The following TPRG1 variants were observed in gnomAD, a reference collection of about 807,000 sequenced individuals.
The protein encoded by TPRG1 is tumor protein p63-regulated gene 1 protein.
TPRG1 carries 29 observed loss-of-function variants against 29.3 expected under a neutral mutation model. That is an observed-to-expected ratio of 0.99 (90% confidence interval 0.74 to 1.35). The LOEUF (loss-of-function observed/expected upper bound fraction) is 1.35. Ranked by LOEUF, TPRG1 falls within the 40% of genes most tolerant of loss-of-function variation. The probability of loss-of-function intolerance (pLI) is 0.00; values close to 1 mark genes in which losing one functional copy is unlikely to be tolerated. For missense variants in TPRG1, 327 were observed against 335.0 expected (o/e 0.98, Z 0.19); for synonymous variants, 130 against 116.8 (o/e 1.11, Z -0.73).
intron 1 of TPRG1, among the ~76,000 whole-genome samples, chr3:189,123,875 T>C (rs1362403894): frequency 6.6e-6 from 1 of 152,150 alleles, no homozygotes; most frequent in Non-Finnish European, 1.5e-5. Flanking sequence ...AAATGTGCTC[T>C]GGAGTCTCTC....
At position 189,310,390 on chromosome 3, in the gene TPRG1, C is replaced by G. The variant is rs755877455; in HGVS notation, c.484C>G (p.Gln162Glu). 4.4e-6 allele frequency: 7 copies of G among 1,586,476 alleles called. No individual in the cohort carries two copies. Among genetic ancestry groups the G allele is most frequent in the Non-Finnish European group, 6.0e-6 (7 of 1,165,428 alleles). Residue 162 changes from glutamine (Q) to glutamate (E), a missense_variant, in exon 5 of 6, where the codon CAA (glutamine) becomes GAA (glutamate). Gln to Glu is a conservative substitution (Grantham distance 29, BLOSUM62 2). Transcript: ENST00000345063. ...TGGAAAACGCCTTTCTTGTAGGAGA[C>G]AAGGAGAAGGCCTTAGGATCTACTG... ...TFPGMSLDKR[Q>E]GEGLRIYWGS...
In TPRG1 at chr3:189,320,851, C is replaced by T. The variant is rs752603915; in HGVS notation, c.*31C>T. 2.6e-5 allele frequency: 38 copies of T among 1,474,342 alleles called. No homozygotes were observed. In the East Asian group the frequency reaches 8.5e-4, roughly 33 times the overall value. The allele number at this position is 1,474,342 out of a possible 1,614,324, so 91.3% of individuals were successfully genotyped here. A position where few individuals can be genotyped will look rare whatever the true frequency, so the allele number is the denominator to read the frequency against. On this transcript the variant is annotated 3_prime_UTR_variant, in exon 6 of 6. Transcript: ENST00000345063. Reference sequence around the variant, plus strand: ...TTTTTGGTACCATAAGCATATCATCCACAGATATGTCACTTTGAAAATTCC... The same window carrying T: ...TTTTTGGTACCATAAGCATATCATCTACAGATATGTCACTTTGAAAATTCC...
intron 4 of TPRG1, among the ~76,000 whole-genome samples, chr3:189,258,758 T>C (rs1463122931): frequency 6.6e-6 from 1 of 152,160 alleles, no homozygotes; most frequent in Non-Finnish European, 1.5e-5. Flanking sequence ...GGCGCTGCAG[T>C]GGGCTCCATC....
At chr3:189,250,845 T>C (rs960114855) in intron 4 of TPRG1, among the ~76,000 whole-genome samples, 1 of 151,898 alleles carries the variant, frequency 6.6e-6, no homozygotes, top group Non-Finnish European at 1.5e-5. Context: ...ACCTCCCTTG[T>C]GCTGTTTGAC....
intron 1 of TPRG1, among the ~76,000 whole-genome samples, chr3:189,183,675 C>T (rs568189653): frequency 6.6e-6 from 1 of 152,084 alleles, no homozygotes; most frequent in Non-Finnish European, 1.5e-5. Context: ...CTCCCATTTG[C>T]TTTGGAAAGA....
At chr3:189,305,402 T>G (rs951091816) in intron 4 of TPRG1, among the ~76,000 whole-genome samples, 1 of 152,256 alleles carries the variant, frequency 6.6e-6, no homozygotes, top group Non-Finnish European at 1.5e-5. Flanking sequence ...TCAAAGAATG[T>G]GTTTCCTTCT....
chr3:189,152,308 A>G (rs1726039462), intron 5 of TPRG1, among the ~76,000 whole-genome samples: 1 of 152,104 alleles, frequency 6.6e-6, no homozygotes. Flanking sequence ...ATTATCCTAT[A>G]TTTTGGCAAC....
intron 4 of TPRG1, among the ~76,000 whole-genome samples, chr3:189,277,941 C>A (rs1716446433): frequency 6.6e-6 from 1 of 152,174 alleles, no homozygotes; most frequent in Non-Finnish European, 1.5e-5. Flanking sequence ...AAATCTGATT[C>A]ATCAGTGCTT....
chr3:189,232,994 C>T (rs190870853), intron 3 of TPRG1, among the ~76,000 whole-genome samples: 165 of 151,564 alleles, frequency 1.1e-3, no homozygotes, highest in Middle Eastern at 0.01. Flanking sequence ...TCAGGGAATA[C>T]GTGTGGAATG....
intron 4 of TPRG1, among the ~76,000 whole-genome samples, chr3:189,057,062 A>C (rs1715747809): frequency 6.6e-6 from 1 of 152,224 alleles, no homozygotes; most frequent in African/African-American, 2.4e-5. Context: ...TAATGGCTTG[A>C]CATCACATCT....
At chr3:189,230,097 A>G (rs2108900876) in intron 3 of TPRG1, among the ~76,000 whole-genome samples, 1 of 152,292 alleles carries the variant, frequency 6.6e-6, no homozygotes, top group East Asian at 1.9e-4. Context: ...GCCTCTTGTT[A>G]GCTCCTGGTG....
At chr3:189,072,966 T>G (rs576337970) in intron 4 of TPRG1, among the ~76,000 whole-genome samples, 1 of 152,304 alleles carries the variant, frequency 6.6e-6, no homozygotes, top group South Asian at 2.1e-4. Context: ...CCCAAGTTTT[T>G]AAGACACTTT....
intron 4 of TPRG1, among the ~76,000 whole-genome samples, chr3:189,275,122 G>A (rs1211329695): frequency 6.6e-6 from 1 of 152,030 alleles, no homozygotes; most frequent in Non-Finnish European, 1.5e-5. Context: ...TGAAGTCTGA[G>A]GCCTTTTTCT....
intron 1 of TPRG1, among the ~76,000 whole-genome samples, chr3:189,114,244 G>A (rs1186006887): frequency 6.6e-6 from 1 of 151,150 alleles, no homozygotes; most frequent in Non-Finnish European, 1.5e-5. Context: ...GGACACAGAT[G>A]TTGTACCAGG....
Position 189,289,312 on chromosome 3 carries a change from C to T in TPRG1, c.480-21074C>T, listed in dbSNP as rs115755259. On this transcript the variant is annotated intron_variant, in intron 4 of 5. Coordinates refer to ENST00000345063, the MANE Select transcript of TPRG1 (RefSeq NM_198485.4). ...TTCTTTCTCCCCCCGACCCCAAATC[C>T]AATCAGGTTGTCAAATTCAATCAAG... is the stretch of plus-strand genomic sequence containing the variant. Among the ~76,000 whole-genome samples the T allele has an allele frequency of 7.2e-5, 11 of 152,152 alleles. No homozygotes were observed. The South Asian group carries it at 2.1e-3, about 29-fold the overall frequency.
intron 4 of TPRG1, among the ~76,000 whole-genome samples, chr3:189,262,639 G>A (rs1191514416): frequency 6.6e-6 from 1 of 152,130 alleles, no homozygotes; most frequent in Admixed American, 6.5e-5. Flanking sequence ...GTTATATGGG[G>A]TGTGCGAATT....
intron 3 of TPRG1, among the ~76,000 whole-genome samples, chr3:189,133,576 T>C (rs575881453): frequency 2.6e-5 from 4 of 152,296 alleles, no homozygotes; most frequent in East Asian, 3.9e-4. Flanking sequence ...CCTGCCACCA[T>C]GTGCAGAAGG....
At chr3:189,109,952 T>C (rs568390495) in intron 1 of TPRG1, among the ~76,000 whole-genome samples, 10 of 152,324 alleles carry the variant, frequency 6.6e-5, no homozygotes, top group African/African-American at 2.4e-4. Context: ...ATAATGCATT[T>C]GTAATTCATT....
chr3:189,175,657 G>A (rs948866218), intron 1 of TPRG1, among the ~76,000 whole-genome samples: 13 of 152,210 alleles, frequency 8.5e-5, no homozygotes, highest in African/African-American at 2.9e-4. Context: ...ATTAAGTTGA[G>A]CACTTACATG....
Sources: allele counts gnomAD v4.1 joint callset (sites outside exome capture counted in the v4.1 genomes callset), GRCh38; gene constraint gnomAD v4.1.1; transcripts MANE v1.5; gene names NCBI Gene and HGNC (gene_info 2026-07-23, HGNC 2026-07-21).